The following SPOCK3 variants were observed in gnomAD, a reference collection of about 807,000 sequenced individuals.
SPOCK3 encodes SPARC (osteonectin), cwcv and kazal like domains proteoglycan 3.
In SPOCK3, 30 loss-of-function variants were observed where a neutral mutation model predicts 56.6. The ratio of observed to expected loss-of-function variants is 0.53; its 90% CI spans 0.40 to 0.72. The LOEUF (loss-of-function observed/expected upper bound fraction) is 0.72. Ranked by LOEUF, SPOCK3 falls within the 30% of genes least tolerant of loss-of-function variation. The pLI is 0.00. For synonymous variants in SPOCK3, 196 were observed against 183.3 expected (o/e 1.07, Z -0.56); for missense variants, 527 against 530.0 (o/e 0.99, Z 0.06).
intron 7 of SPOCK3, among the ~76,000 whole-genome samples, chr4:166,768,363 G>A (rs10007969): frequency 0.33 from 50,120 of 151,918 alleles, 8,430 homozygotes; most frequent in Admixed American, 0.42. Context: ...TCCTTCAGGA[G>A]CTCTTGTAGG....
chr4:166,912,502 T>G, intron 5 of SPOCK3, 118 bp downstream of exon 5: 1 of 1,032,710 alleles, frequency 9.7e-7, no homozygotes, highest in Non-Finnish European at 1.4e-6. Flanking sequence ...GATTATTAAT[T>G]TATTTTATAA....
Position 166,822,110 on chromosome 4 carries a change from G to GATTTTGAATTATATAATCACACTA in SPOCK3, c.590-29845_590-29822dup, listed in dbSNP as rs546952266. Among the ~76,000 whole-genome samples the GATTTTGAATTATATAATCACACTA allele has an allele frequency of 2.5e-3, 386 of 151,998 alleles. 10 individuals carry two copies. The East Asian group carries it at 0.059, about 23-fold the overall frequency. ...AACAATAAAAATAATATTGAGGTTT[G>GATTTTGAATTATATAATCACACTA]ATTTTGAATTATATAATCACACTAA... On this transcript the variant is annotated intron_variant, in intron 6 of 10. Transcript: ENST00000357545.
At chr4:166,834,261 G>C (rs1019498764) in intron 6 of SPOCK3, among the ~76,000 whole-genome samples, 1 of 152,134 alleles carries the variant, frequency 6.6e-6, no homozygotes, top group South Asian at 2.1e-4. Flanking sequence ...AACTCATCTT[G>C]CTGTAATTGG....
chr4:166,931,319 C>T lies in SPOCK3; in HGVS notation c.351-18576G>A, dbSNP rs139756782. Among the ~76,000 whole-genome samples the T allele has an allele frequency of 5.6e-4, 71 of 126,960 alleles. No homozygotes were observed. In the East Asian group the frequency reaches 0.017, roughly 31 times the overall value. 83.3% of individuals were successfully genotyped at this position (126,960 alleles called of 152,430 possible). A position where few individuals can be genotyped will look rare whatever the true frequency, so the allele number is the denominator to read the frequency against. On this transcript the variant is annotated intron_variant, in intron 4 of 10. Coordinates refer to ENST00000357545, the MANE Select transcript of SPOCK3 (RefSeq NM_001040159.2). ...TCTATATGCATACAAACACACTACT[C>T]TAGGTGTGTGTGGGGGGTGGGGGGG...
At chr4:167,078,308 C>CTG (rs3082377) in intron 2 of SPOCK3, among the ~76,000 whole-genome samples, 2,183 of 105,008 alleles carry the variant, frequency 0.021, 33 homozygotes, top group East Asian at 0.037. Context: ...GGTCATAACT[C>CTG]TGTGTGTGTG....
intron 2 of SPOCK3, among the ~76,000 whole-genome samples, chr4:167,163,672 A>C (rs1224299910): frequency 4.6e-5 from 7 of 151,968 alleles, no homozygotes; most frequent in Admixed American, 4.6e-4. Context: ...ACAAATAATT[A>C]AGAACATGTG....
At chr4:166,784,450 A>G (rs1013948025) in intron 7 of SPOCK3, among the ~76,000 whole-genome samples, 5 of 152,142 alleles carry the variant, frequency 3.3e-5, no homozygotes, top group Non-Finnish European at 5.9e-5. Context: ...AAATTTTATT[A>G]TAAGGAGTTA....
intron 6 of SPOCK3, among the ~76,000 whole-genome samples, chr4:166,873,220 A>C (rs140316493): frequency 6.6e-6 from 1 of 152,052 alleles, no homozygotes; most frequent in Non-Finnish European, 1.5e-5. Context: ...AAAAAAAAAA[A>C]AACATCAGTG....
At chr4:166,738,053 T>C (rs1004876661) in intron 9 of SPOCK3, among the ~76,000 whole-genome samples, 3 of 152,224 alleles carry the variant, frequency 2.0e-5, no homozygotes, top group African/African-American at 7.2e-5. Context: ...CCAAGTTCTT[T>C]CCAAATCAAG....
intron 2 of SPOCK3, among the ~76,000 whole-genome samples, chr4:167,183,826 A>T (rs1016349988): frequency 6.6e-6 from 1 of 152,202 alleles, no homozygotes; most frequent in Non-Finnish European, 1.5e-5. Flanking sequence ...CAGCCATGAG[A>T]GCTTACCAGA....
chr4:167,104,597 GACA>G lies in SPOCK3; in HGVS notation c.190-42063_190-42061del, dbSNP rs372189605. On this transcript the variant is annotated intron_variant, in intron 2 of 10. Coordinates refer to ENST00000357545, the MANE Select transcript of SPOCK3 (RefSeq NM_001040159.2). ...GCACACCTACAAGATCTAGAAAATA[GACA>G]ACAAAGGACAAATCTAAGAGTTATT... is the stretch of plus-strand genomic sequence containing the variant. Among the ~76,000 whole-genome samples, 41 of 152,010 alleles carry G rather than the reference GACA, an allele frequency of 2.7e-4. No individual in the cohort carries two copies. The East Asian group carries it at 5.2e-3, about 19-fold the overall frequency.
chr4:167,053,529 A>G (rs1754438421), intron 3 of SPOCK3, among the ~76,000 whole-genome samples: 2 of 151,852 alleles, frequency 1.3e-5, no homozygotes, highest in Admixed American at 6.6e-5. Context: ...TACTAAAAAT[A>G]CTAAAATTAG....
intron 3 of SPOCK3, among the ~76,000 whole-genome samples, chr4:167,028,037 C>T (rs1351193016): frequency 6.6e-6 from 1 of 152,002 alleles, no homozygotes; most frequent in Non-Finnish European, 1.5e-5. Flanking sequence ...ATTTACCATA[C>T]TTCTGTTTTT....
chr4:166,880,073 C>G (rs142893963), intron 6 of SPOCK3, among the ~76,000 whole-genome samples: 1 of 152,160 alleles, frequency 6.6e-6, no homozygotes, highest in Non-Finnish European at 1.5e-5. Flanking sequence ...TTACCAATCT[C>G]AGGTATTTAT....
At chr4:166,989,450 T>C (rs754303615) in intron 4 of SPOCK3, among the ~76,000 whole-genome samples, 2 of 152,138 alleles carry the variant, frequency 1.3e-5, no homozygotes, top group Non-Finnish European at 1.5e-5. Context: ...TGAAGCCCCA[T>C]AGTCTAGAGT....
At chr4:167,109,393 A>G (rs140690928) in intron 2 of SPOCK3, among the ~76,000 whole-genome samples, 40,302 of 91,914 alleles carry the variant, frequency 0.44, 9,223 homozygotes, top group African/African-American at 0.6. Flanking sequence ...ATATATAAAT[A>G]TATATTTATA....
intron 2 of SPOCK3, among the ~76,000 whole-genome samples, chr4:167,200,844 G>A (rs1733444775): frequency 6.6e-6 from 1 of 151,984 alleles, no homozygotes; most frequent in East Asian, 1.9e-4. Flanking sequence ...ATTTTGGTTG[G>A]CAAAGAAAGA....
rs933210069 is a variant in SPOCK3, at chr4:166,950,872, G to A, written c.351-38129C>T. ...ATGAAATGAAGGCAGAAATAAAGATGTTCTTTGAAACCAACGAGAACAAAG... is the reference window on the plus strand; with the variant it reads ...ATGAAATGAAGGCAGAAATAAAGATATTCTTTGAAACCAACGAGAACAAAG... On this transcript the variant is annotated intron_variant, in intron 4 of 10. Transcript: ENST00000357545. Among the ~76,000 whole-genome samples the A allele has an allele frequency of 2.9e-4, 43 of 147,292 alleles. 1 individual carries two copies. The highest frequency in any genetic ancestry group is 6.8e-3 in the Middle Eastern group (2 of 294).
intron 6 of SPOCK3, among the ~76,000 whole-genome samples, chr4:166,845,520 T>C (rs554173767): frequency 1.7e-4 from 26 of 152,294 alleles, no homozygotes; most frequent in African/African-American, 5.8e-4. Flanking sequence ...CTGAGTACTG[T>C]TTAAGTGATT....
Sources: allele counts gnomAD v4.1 joint callset (sites outside exome capture counted in the v4.1 genomes callset), GRCh38; gene constraint gnomAD v4.1.1; transcripts MANE v1.5; gene names NCBI Gene and HGNC (gene_info 2026-07-23, HGNC 2026-07-21).